Variants in MAPK10 observed in about 807,000 individuals in gnomAD.
The protein encoded by MAPK10 is JNK3 alpha protein kinase.
MAPK10 carries 25 observed loss-of-function variants against 59.3 expected under a neutral mutation model. The observed-to-expected ratio is 0.42, with a 90% CI of 0.31 to 0.59. The LOEUF is 0.59. Among genes scored for constraint, MAPK10 ranks in the 20% least tolerant of loss-of-function variants. MAPK10 has a pLI of 0.15. For synonymous variants in MAPK10, 190 were observed against 200.5 expected, an observed-to-expected ratio of 0.95 and a Z score of 0.44; for missense variants, 351 against 568.9, an observed-to-expected ratio of 0.62 and a Z score of 3.90.
At chr4:86,396,041 G>A (rs995093874) in intron 1 of MAPK10, among the ~76,000 whole-genome samples, 2 of 152,150 alleles carry the variant, frequency 1.3e-5, no homozygotes, top group Non-Finnish European at 2.9e-5. Context: ...TTTTTTACGT[G>A]AACCTAAGAA....
intron 1 of MAPK10, among the ~76,000 whole-genome samples, chr4:86,555,311 T>C (rs969111566): frequency 6.6e-6 from 1 of 152,128 alleles, no homozygotes; most frequent in Admixed American, 6.6e-5. Flanking sequence ...CCGGGCGCGG[T>C]GGCCGGTGCC....
intron 9 of MAPK10, chr4:86,080,113 A>C (rs2050327355): frequency 6.6e-6 from 1 of 152,080 alleles, no homozygotes; most frequent in Non-Finnish European, 1.5e-5. Flanking sequence ...TTATAAATGA[A>C]TGTCTATTTT....
intron 1 of MAPK10, among the ~76,000 whole-genome samples, chr4:86,450,451 T>C (rs1012454749): frequency 3.3e-5 from 5 of 152,172 alleles, no homozygotes; most frequent in African/African-American, 1.2e-4. Context: ...CTTTTATAAA[T>C]GTAAGAGTCT....
intron 2 of MAPK10, among the ~76,000 whole-genome samples, chr4:86,290,690 A>C (rs1375878491): frequency 1.3e-5 from 2 of 152,210 alleles, no homozygotes; most frequent in East Asian, 3.9e-4. Flanking sequence ...GCTGGCACTC[A>C]GCACTCAATA....
intron 2 of MAPK10, among the ~76,000 whole-genome samples, chr4:86,256,978 T>TCC (rs56832177): frequency 0.33 from 49,380 of 151,530 alleles, 10,910 homozygotes; most frequent in African/African-American, 0.63. Context: ...GGTCTCGATC[T>TCC]TAACCTCATG....
intron 4 of MAPK10, among the ~76,000 whole-genome samples, chr4:86,141,361 C>A (rs1429480795): frequency 1.3e-5 from 2 of 152,122 alleles, no homozygotes; most frequent in East Asian, 3.8e-4. Flanking sequence ...AAGATAACCC[C>A]CTGAGCTTTT....
intron 2 of MAPK10, among the ~76,000 whole-genome samples, chr4:86,341,204 T>C (rs1724709721): frequency 6.6e-6 from 1 of 152,182 alleles, no homozygotes; most frequent in South Asian, 2.1e-4. Flanking sequence ...GATCACACAC[T>C]AGCCCAATAT....
intron 4 of MAPK10, among the ~76,000 whole-genome samples, chr4:86,142,835 C>T (rs1181104448): frequency 6.6e-6 from 1 of 152,114 alleles, no homozygotes; most frequent in African/African-American, 2.4e-5. Flanking sequence ...AAGAACTTCC[C>T]TAGTTTTACA....
intron 1 of MAPK10, among the ~76,000 whole-genome samples, chr4:86,515,817 G>T (rs770084797): frequency 5.5e-4 from 83 of 151,110 alleles, no homozygotes; most frequent in Non-Finnish European, 2.1e-4. Context: ...TATTTCTTTT[G>T]TTGTGCAGAA....
At chr4:86,388,081 A>G (rs1741735265) in intron 1 of MAPK10, among the ~76,000 whole-genome samples, 1 of 151,564 alleles carries the variant, frequency 6.6e-6, no homozygotes, top group Non-Finnish European at 1.5e-5. Context: ...TAAGAAGTTG[A>G]TAACTGTACT....
chr4:86,100,735 C>T (rs374694984), intron 8 of MAPK10: 8 of 202,328 alleles, frequency 4.0e-5, no homozygotes, highest in Non-Finnish European at 8.1e-5. Flanking sequence ...GAGCTGCAAC[C>T]CAAATAGCAA....
intron 1 of MAPK10, among the ~76,000 whole-genome samples, chr4:86,394,950 C>T (rs1056619188): frequency 2.0e-5 from 3 of 152,196 alleles, no homozygotes; most frequent in African/African-American, 7.2e-5. Flanking sequence ...TATTCACGCA[C>T]CTGTGCCCAT....
intron 1 of MAPK10, among the ~76,000 whole-genome samples, chr4:86,575,486 T>C (rs1214280648): frequency 1.3e-5 from 2 of 152,150 alleles, no homozygotes; most frequent in Admixed American, 1.3e-4. Flanking sequence ...TAAATATCTT[T>C]CATTATTAAG....
At chr4:86,467,001 G>A (rs1401642333) in intron 1 of MAPK10, among the ~76,000 whole-genome samples, 1 of 152,204 alleles carries the variant, frequency 6.6e-6, no homozygotes, top group Non-Finnish European at 1.5e-5. Flanking sequence ...AGTCCCTGGA[G>A]TGAAGATGAT....
At chr4:86,039,426 CA>C (rs2041030217) in intron 11 of MAPK10, among the ~76,000 whole-genome samples, 1 of 152,158 alleles carries the variant, frequency 6.6e-6, no homozygotes, top group African/African-American at 2.4e-5. Context: ...GGGCCTGCCA[CA>C]GAAAAACCCA....
At chr4:86,244,315 C>T (rs574992590) in intron 2 of MAPK10, among the ~76,000 whole-genome samples, 3 of 152,164 alleles carry the variant, frequency 2.0e-5, no homozygotes, top group Non-Finnish European at 4.4e-5. Flanking sequence ...CTTATTCATA[C>T]AAGATCATTT....
rs968128478 is a variant in MAPK10 at position 86,017,548 on chromosome 4, T to C, written c.1253-178A>G. Among the ~76,000 whole-genome samples the C allele has an allele frequency of 3.9e-5, 6 of 152,118 alleles. No individual in the cohort carries two copies. The highest frequency in any genetic ancestry group is 3.9e-4 in the Admixed American group (6 of 15,274). Reference sequence around the variant, plus strand: ...ATATCAAATGGTGACAATCAAGACATAGCAATAAAAAGTCCTTCATCACAA... The same window carrying C: ...ATATCAAATGGTGACAATCAAGACACAGCAATAAAAAGTCCTTCATCACAA... On this transcript the variant is annotated intron_variant, in intron 13 of 13. Coordinates refer to ENST00000641462, the MANE Select transcript of MAPK10 (RefSeq NM_138982.4). The surrounding 1 kb of genome is among the most constrained non-coding windows in gnomAD (Gnocchi z 4.4).
intron 2 of MAPK10, among the ~76,000 whole-genome samples, chr4:86,225,885 CT>C (rs2090524797): frequency 6.6e-6 from 1 of 152,108 alleles, no homozygotes; most frequent in African/African-American, 2.4e-5. Flanking sequence ...CCTATCTCCC[CT>C]AATAGATATG....
chr4:86,587,450 A>G (rs555707069), intron 1 of MAPK10, among the ~76,000 whole-genome samples: 40 of 152,158 alleles, frequency 2.6e-4, no homozygotes, highest in Non-Finnish European at 8.8e-5. Context: ...TTCTTGGTTC[A>G]CTTGGAAGTG....
Sources: allele counts gnomAD v4.1 joint callset (sites outside exome capture counted in the v4.1 genomes callset), GRCh38; gene constraint gnomAD v4.1.1; non-coding constraint Gnocchi (gnomAD v3.1); transcripts MANE v1.5; gene names NCBI Gene and HGNC (gene_info 2026-07-23, HGNC 2026-07-21).